DDX10: variants seen among roughly 807,000 people sequenced by gnomAD.
DDX10 encodes DEAD-box helicase 10.
DDX10 carries 74 observed loss-of-function variants against 104.3 expected under a neutral mutation model. The observed-to-expected ratio is 0.71, with a 90% CI of 0.59 to 0.86. The LOEUF (loss-of-function observed/expected upper bound fraction) is 0.86. DDX10 is among the 40% of genes least tolerant of loss of function. DDX10 has a pLI of 0.00. For synonymous variants in DDX10, 351 were observed against 353.4 expected (o/e 0.99, Z 0.08); for missense variants, 952 against 1,040.0 (o/e 0.92, Z 1.16).
chr11:108,835,452 G>A (rs912344853), intron 13 of DDX10, among the ~76,000 whole-genome samples: 1 of 152,234 alleles, frequency 6.6e-6, no homozygotes, highest in Admixed American at 6.5e-5. Flanking sequence ...CTTGTGATGT[G>A]TATATAGTGA....
At chr11:108,745,199 T>G (rs1398051108) in intron 13 of DDX10, among the ~76,000 whole-genome samples, 2 of 123,760 alleles carry the variant, frequency 1.6e-5, no homozygotes, top group Admixed American at 1.7e-4. Flanking sequence ...CTTCCTTCCC[T>G]TTCGTTTCCT....
rs939363858 is a variant in DDX10, at chr11:108,698,799, TC to T, written c.1223+5201del. On this transcript the variant is annotated intron_variant, in intron 9 of 17. Transcript: ENST00000322536. ...TGACCCCCTGGGCCTAAACTATTCA[TC>T]CGTTTCCCCCCAGTTTGCTAGTATT... Among the ~76,000 whole-genome samples the T allele has an allele frequency of 2.0e-5, 3 of 152,222 alleles. No individual in the cohort carries two copies. In the East Asian group the frequency reaches 5.8e-4, roughly 29 times the overall value.
chr11:108,732,657 G>T (rs1399824012), intron 13 of DDX10, among the ~76,000 whole-genome samples: 2 of 152,128 alleles, frequency 1.3e-5, no homozygotes, highest in Non-Finnish European at 2.9e-5. Context: ...CACGAGTGAT[G>T]AAGCAATAAG....
chr11:108,748,356 A>G (rs771939423), intron 13 of DDX10, among the ~76,000 whole-genome samples: 5 of 152,206 alleles, frequency 3.3e-5, no homozygotes, highest in Non-Finnish European at 5.9e-5. Flanking sequence ...TTGTCAGCAA[A>G]TGATAGAACA....
At chr11:108,907,756 A>T (rs1398574549) in intron 16 of DDX10, among the ~76,000 whole-genome samples, 3 of 152,234 alleles carry the variant, frequency 2.0e-5, no homozygotes, top group Admixed American at 6.5e-5. Flanking sequence ...CAGCCAGTAT[A>T]TATTAGAGAT....
At chr11:108,905,093 T>C (rs1321035628) in intron 16 of DDX10, among the ~76,000 whole-genome samples, 1 of 152,120 alleles carries the variant, frequency 6.6e-6, no homozygotes, top group Non-Finnish European at 1.5e-5. Flanking sequence ...ATGGCTCTGC[T>C]CTCCCCACAA....
At chr11:108,898,854 A>G (rs189567044) in intron 16 of DDX10, among the ~76,000 whole-genome samples, 1 of 152,236 alleles carries the variant, frequency 6.6e-6, no homozygotes, top group African/African-American at 2.4e-5. Flanking sequence ...GAGTAGGGGC[A>G]AATAGAGAAC....
At chr11:108,745,621 T>A (rs1485474971) in intron 13 of DDX10, among the ~76,000 whole-genome samples, 1 of 152,206 alleles carries the variant, frequency 6.6e-6, no homozygotes, top group Non-Finnish European at 1.5e-5. Flanking sequence ...ATAAATCTGA[T>A]GATGACCTTA....
chr11:108,751,650 AGT>A (rs1179464031), intron 13 of DDX10, among the ~76,000 whole-genome samples: 3 of 152,188 alleles, frequency 2.0e-5, no homozygotes, highest in African/African-American at 7.2e-5. Flanking sequence ...AGTGAAAGAG[AGT>A]GAGTTAGGGG....
At chr11:108,684,687 A>G (rs1237170142) in intron 6 of DDX10, among the ~76,000 whole-genome samples, 2 of 135,412 alleles carry the variant, frequency 1.5e-5, no homozygotes, top group Non-Finnish European at 3.2e-5. Context: ...TTATAGCAGC[A>G]TGATTTATAG....
rs556930864 is a variant in DDX10, at chr11:108,740,771, T to C, written c.1965+17309T>C. Among the ~76,000 whole-genome samples the C allele has an allele frequency of 2.0e-5, 3 of 148,936 alleles. No homozygotes were observed. The South Asian group carries it at 6.6e-4, about 33-fold the overall frequency. ...CATTTTTTCATATGCTTTTTGGCTA[T>C]GTATGTCTTTTTGAAAAGTGTCTGG... On this transcript the variant is annotated intron_variant, in intron 13 of 17. Coordinates refer to ENST00000322536, the MANE Select transcript of DDX10 (RefSeq NM_004398.4).
intron 1 of DDX10, among the ~76,000 whole-genome samples, chr11:108,669,603 G>A (rs1303793749): frequency 6.6e-6 from 1 of 152,224 alleles, no homozygotes; most frequent in Non-Finnish European, 1.5e-5. Context: ...GGAGGCTGCA[G>A]CATGCAGTAT....
intron 2 of DDX10, among the ~76,000 whole-genome samples, chr11:108,675,351 C>G (rs1006717312): frequency 6.6e-6 from 1 of 152,060 alleles, no homozygotes; most frequent in Non-Finnish European, 1.5e-5. Context: ...GCATGTGGAC[C>G]CTTGGTGTCT....
At position 108,936,415 on chromosome 11, in the gene DDX10, C is replaced by G. The variant is rs34651663; in HGVS notation, c.2451-3831C>G. On this transcript the variant is annotated intron_variant, in intron 17 of 17. Coordinates refer to ENST00000322536, the MANE Select transcript of DDX10 (RefSeq NM_004398.4). Reference sequence around the variant, plus strand: ...TTGTGGAATTAAAAAGAGTAATTGACGTATACCTAGCTACCCAGAACTTCA... The same window carrying G: ...TTGTGGAATTAAAAAGAGTAATTGAGGTATACCTAGCTACCCAGAACTTCA... Among the ~76,000 whole-genome samples, 115 of 152,098 alleles carry G rather than the reference C, an allele frequency of 7.6e-4. 2 individuals are homozygous for G. In the East Asian group the frequency reaches 0.021, roughly 28 times the overall value.
intron 16 of DDX10, among the ~76,000 whole-genome samples, chr11:108,884,198 A>C (rs143116481): frequency 6.6e-6 from 1 of 152,144 alleles, no homozygotes; most frequent in East Asian, 1.9e-4. Context: ...TTTTATTTAC[A>C]TATCTTCATC....
intron 9 of DDX10, among the ~76,000 whole-genome samples, chr11:108,697,737 A>C (rs181090408): frequency 9.9e-5 from 15 of 152,196 alleles, no homozygotes; most frequent in African/African-American, 3.1e-4. Flanking sequence ...TTAAAAAGCA[A>C]TTCTCTTTAG....
At chr11:108,912,616 A>C (rs1385123240) in intron 16 of DDX10, among the ~76,000 whole-genome samples, 1 of 152,170 alleles carries the variant, frequency 6.6e-6, no homozygotes, top group Admixed American at 6.5e-5. Context: ...CATAACTGGG[A>C]ACGGTGTCAG....
At chr11:108,769,934 T>C (rs1203525250) in intron 13 of DDX10, among the ~76,000 whole-genome samples, 2 of 152,148 alleles carry the variant, frequency 1.3e-5, no homozygotes, top group African/African-American at 4.8e-5. Context: ...AATAACTGTC[T>C]CAAAATAAAA....
At chr11:108,689,186 G>A (rs545739696) in intron 7 of DDX10, 124 bp downstream of exon 7, 61 of 993,350 alleles carry the variant, frequency 6.1e-5, no homozygotes, top group Admixed American at 1.3e-4. Flanking sequence ...GGGATCTTTC[G>A]TGTCCTTGTT....
Sources: gnomAD v4.1 joint callset for allele counts (sites outside exome capture counted in the v4.1 genomes callset) on GRCh38, gnomAD v4.1.1 for gene constraint, MANE v1.5 for transcripts, NCBI Gene and HGNC (gene_info 2026-07-23, HGNC 2026-07-21) for gene names.